The following METTL25 variants were observed in gnomAD, a reference collection of about 807,000 sequenced individuals.
METTL25 encodes probable methyltransferase-like protein 25.
Under a neutral mutation model 71.6 loss-of-function variants are expected in METTL25, and 64 were observed. The ratio of observed to expected loss-of-function variants is 0.89; its 90% CI spans 0.73 to 1.10. The LOEUF (loss-of-function observed/expected upper bound fraction) is 1.10. METTL25 is among the 50% of genes least tolerant of loss of function. The pLI, the probability that METTL25 is intolerant of heterozygous loss-of-function variation, is 0.00. For missense variants in METTL25, 807 were observed against 707.0 expected, an observed-to-expected ratio of 1.14 and a Z score of -1.60; for synonymous variants, 287 against 250.3, an observed-to-expected ratio of 1.15 and a Z score of -1.38.
intron 1 of METTL25, among the ~76,000 whole-genome samples, chr12:82,382,407 C>G (rs1283285052): frequency 6.6e-6 from 1 of 152,170 alleles, no homozygotes; most frequent in Non-Finnish European, 1.5e-5. Context: ...TCACCTTTTT[C>G]TCATCCTGAG....
chr12:82,420,261 G>A (rs1436084844), intron 5 of METTL25, among the ~76,000 whole-genome samples: 1 of 152,080 alleles, frequency 6.6e-6, no homozygotes, highest in Non-Finnish European at 1.5e-5. Flanking sequence ...GAGATATATT[G>A]TGTGTATAAT....
chr12:82,474,079 A>AG (rs1892734664), intron 9 of METTL25, among the ~76,000 whole-genome samples: 2 of 152,120 alleles, frequency 1.3e-5, no homozygotes, highest in African/African-American at 4.8e-5. Flanking sequence ...AATCTGGGAC[A>AG]ATGCAGCTGT....
At chr12:82,464,454 C>T (rs1052763676) in intron 9 of METTL25, among the ~76,000 whole-genome samples, 1 of 151,828 alleles carries the variant, frequency 6.6e-6, no homozygotes, top group Non-Finnish European at 1.5e-5. Flanking sequence ...GTTCTCTGTT[C>T]TATTGCATTT....
intron 7 of METTL25, among the ~76,000 whole-genome samples, chr12:82,436,068 G>GA (rs1889893259): frequency 1.3e-5 from 2 of 150,980 alleles, no homozygotes; most frequent in Non-Finnish European, 3.0e-5. Flanking sequence ...GAGGTCTGGG[G>GA]GAAAAAAGAG....
intron 9 of METTL25, among the ~76,000 whole-genome samples, chr12:82,469,639 CA>C (rs1223854998): frequency 6.6e-6 from 1 of 151,956 alleles, no homozygotes; most frequent in East Asian, 2.0e-4. Flanking sequence ...ACAGCCAAAC[CA>C]TATCACCTTC....
chr12:82,396,245 C>A (rs1260405690), intron 3 of METTL25, among the ~76,000 whole-genome samples: 4 of 152,056 alleles, frequency 2.6e-5, no homozygotes, highest in African/African-American at 7.2e-5. Context: ...TTAAGTGATG[C>A]ATGACTGTAT....
intron 5 of METTL25, among the ~76,000 whole-genome samples, chr12:82,428,367 G>C (rs1889207489): frequency 6.6e-6 from 1 of 151,528 alleles, no homozygotes; most frequent in African/African-American, 2.4e-5. Flanking sequence ...AAACCAGTTT[G>C]AATAAAATAG....
rs760716507 is a variant in METTL25 at position 82,358,653 on chromosome 12, G to T, written c.88G>T (p.Ala30Ser). 18 of 1,614,026 alleles carry T rather than the reference G, an allele frequency of 1.1e-5. No homozygotes were observed. The highest frequency in any genetic ancestry group is 1.5e-5 in the Non-Finnish European group (18 of 1,180,052). The change falls in exon 1 of 12, where the codon GCC becomes TCC. Residue 30 changes from alanine to serine, a missense_variant. Physicochemically the swap from Ala to Ser is moderately conservative, Grantham distance 99. Transcript: ENST00000248306. Reference sequence around the variant, plus strand: ...GGGACTGCTGCAGTTCCTGAGGGATGCCCTGTCCATTTCCAATGCACATAC... The same window carrying T: ...GGGACTGCTGCAGTTCCTGAGGGATTCCCTGTCCATTTCCAATGCACATAC... ...LQGLLQFLRDALSISNAHTVD... is the reference protein window; with the variant it reads ...LQGLLQFLRDSLSISNAHTVD...
Position 82,358,776 on chromosome 12 carries a change from G to A in METTL25, c.211G>A (p.Ala71Thr), listed in dbSNP as rs753331690. Residue 71 changes from alanine to threonine, a missense_variant, in exon 1 of 12, where the codon GCC becomes ACC. Transcript: ENST00000248306. ...ALRKSASETEALPSETRPLVE... is the reference protein window; with the variant it reads ...ALRKSASETETLPSETRPLVE... ...GAGGAAGTCAGCGTCGGAGACGGAGGCCCTGCCCTCAGAGACGCGCCCCCT... is the reference window on the plus strand; with the variant it reads ...GAGGAAGTCAGCGTCGGAGACGGAGACCCTGCCCTCAGAGACGCGCCCCCT... The A allele has an allele frequency of 4.3e-6, 7 of 1,613,866 alleles. No individual in the cohort carries two copies. Among genetic ancestry groups the A allele is most frequent in the Non-Finnish European group, 5.1e-6 (6 of 1,179,930 alleles).
intron 1 of METTL25, among the ~76,000 whole-genome samples, chr12:82,374,917 A>T (rs1489670422): frequency 6.6e-6 from 1 of 152,204 alleles, no homozygotes; most frequent in East Asian, 1.9e-4. Flanking sequence ...GTGCTGAGAC[A>T]AGGTGATGGC....
chr12:82,378,252 A>G (rs1418902612), intron 1 of METTL25, among the ~76,000 whole-genome samples: 2 of 152,132 alleles, frequency 1.3e-5, no homozygotes, highest in African/African-American at 4.8e-5. Flanking sequence ...TAAATTTAAC[A>G]TTTAGGTTGG....
At chr12:82,404,488 T>G (rs1886913012) in intron 5 of METTL25, among the ~76,000 whole-genome samples, 1 of 152,188 alleles carries the variant, frequency 6.6e-6, no homozygotes, top group Non-Finnish European at 1.5e-5. Context: ...TACAGCTTTT[T>G]AAATGTTCTG....
At chr12:82,424,203 G>C (rs1195132713) in intron 5 of METTL25, among the ~76,000 whole-genome samples, 1 of 152,152 alleles carries the variant, frequency 6.6e-6, no homozygotes, top group Non-Finnish European at 1.5e-5. Flanking sequence ...ATACTCTGCA[G>C]CCATAAAAAA....
At position 82,475,761 on chromosome 12, in the gene METTL25, A is replaced by C. The variant is rs1359079288; in HGVS notation, c.1573-883A>C. On this transcript the variant is annotated intron_variant, in intron 9 of 11. Coordinates refer to ENST00000248306, the MANE Select transcript of METTL25 (RefSeq NM_032230.3). ...ATATTTCATTTGTTATGTAATACTT[A>C]TTTATATGATAGGTTGAGTATTCCT... Among the ~76,000 whole-genome samples the C allele has an allele frequency of 2.6e-5, 4 of 152,216 alleles. No individual in the cohort carries two copies. The East Asian group carries it at 7.7e-4, about 29-fold the overall frequency.
intron 8 of METTL25, among the ~76,000 whole-genome samples, chr12:82,454,847 A>T (rs746386007): frequency 8.6e-5 from 13 of 151,898 alleles, no homozygotes; most frequent in Non-Finnish European, 1.8e-4. Flanking sequence ...CTAGACTATA[A>T]TACCAGTAAT....
At chr12:82,459,843 C>G (rs1891745181) in intron 9 of METTL25, 1 of 152,166 alleles carries the variant, frequency 6.6e-6, no homozygotes, top group South Asian at 2.1e-4. Flanking sequence ...AAGTAATAAA[C>G]ATACTGAGTC....
At chr12:82,478,862 T>C in intron 11 of METTL25, 70 bp from the exon 12 acceptor site, 2 of 1,183,014 alleles carry the variant, frequency 1.7e-6, no homozygotes, top group Non-Finnish European at 1.2e-6. Context: ...TTACAATATA[T>C]AATCCAACTC....
intron 5 of METTL25, among the ~76,000 whole-genome samples, chr12:82,422,313 T>C (rs1299351523): frequency 6.6e-6 from 1 of 152,084 alleles, no homozygotes; most frequent in Non-Finnish European, 1.5e-5. Context: ...ATTATCTCAA[T>C]AGATGCAGAA....
At chr12:82,478,240 T>C (rs892392980) in intron 11 of METTL25, among the ~76,000 whole-genome samples, 4 of 151,782 alleles carry the variant, frequency 2.6e-5, no homozygotes, top group African/African-American at 4.8e-5. Context: ...ACAATCTCCA[T>C]TGACCTATGT....
Sources: gnomAD v4.1 joint callset for allele counts (sites outside exome capture counted in the v4.1 genomes callset) on GRCh38, gnomAD v4.1.1 for gene constraint, MANE v1.5 for transcripts, NCBI Gene and HGNC (gene_info 2026-07-23, HGNC 2026-07-21) for gene names.